INSYN2B: variants seen among roughly 807,000 people sequenced by gnomAD.
INSYN2B encodes protein INSYN2B.
Under a neutral mutation model 41.2 loss-of-function variants are expected in INSYN2B, and 16 were observed. The ratio of observed to expected loss-of-function variants is 0.39; its 90% CI spans 0.26 to 0.59. The LOEUF (loss-of-function observed/expected upper bound fraction) is 0.59. Ranked by LOEUF, INSYN2B falls within the 20% of genes least tolerant of loss-of-function variation. The pLI is 0.57. For missense variants in INSYN2B, 608 were observed against 646.4 expected, an observed-to-expected ratio of 0.94 and a Z score of 0.64; for synonymous variants, 245 against 244.4, an observed-to-expected ratio of 1.00 and a Z score of -0.02.
At chr5:169,896,090 T>C (rs1398209409) in intron 1 of INSYN2B, among the ~76,000 whole-genome samples, 1 of 152,040 alleles carries the variant, frequency 6.6e-6, no homozygotes, top group Non-Finnish European at 1.5e-5. Context: ...CTGAGCCTGA[T>C]TGGCTGCACT....
chr5:169,914,729 T>C (rs1174280063), intron 1 of INSYN2B, among the ~76,000 whole-genome samples: 2 of 152,238 alleles, frequency 1.3e-5, no homozygotes, highest in African/African-American at 2.4e-5. Flanking sequence ...AGCAGTTCTG[T>C]AGCCTTCTGG....
chr5:169,977,512 A>G (rs1234260398), intron 1 of INSYN2B, among the ~76,000 whole-genome samples: 2 of 152,196 alleles, frequency 1.3e-5, no homozygotes, highest in Admixed American at 1.3e-4. Flanking sequence ...TGAAGTAAGG[A>G]ATATTTTTAT....
At chr5:169,953,442 T>G (rs1776748082) in intron 1 of INSYN2B, among the ~76,000 whole-genome samples, 2 of 152,104 alleles carry the variant, frequency 1.3e-5, no homozygotes, top group African/African-American at 4.8e-5. Context: ...GTGGGCAAAT[T>G]GTTTCAGATC....
At chr5:169,936,121 A>G (rs1057010838) in intron 1 of INSYN2B, among the ~76,000 whole-genome samples, 4 of 152,218 alleles carry the variant, frequency 2.6e-5, no homozygotes, top group Non-Finnish European at 4.4e-5. Context: ...AATGTAACAA[A>G]ACCACCTGTC....
At chr5:169,921,795 C>T (rs1775189084) in intron 1 of INSYN2B, among the ~76,000 whole-genome samples, 2 of 152,194 alleles carry the variant, frequency 1.3e-5, no homozygotes, top group East Asian at 1.9e-4. Flanking sequence ...TTGTGACAGT[C>T]TTCTCCCAGA....
At chr5:169,939,070 ATT>A (rs199836739) in intron 1 of INSYN2B, among the ~76,000 whole-genome samples, 3 of 151,554 alleles carry the variant, frequency 2.0e-5, no homozygotes, top group Non-Finnish European at 2.9e-5. Context: ...CGCCCTGCTA[ATT>A]TTTTTGTATT....
chr5:169,959,994 T>G (rs552519805), intron 1 of INSYN2B, among the ~76,000 whole-genome samples: 1 of 152,342 alleles, frequency 6.6e-6, no homozygotes, highest in Admixed American at 6.5e-5. Flanking sequence ...AATTCGACCA[T>G]GTAAAGCTAG....
chr5:169,878,386 A>G (rs1338141221), intron 3 of INSYN2B, among the ~76,000 whole-genome samples: 9 of 152,254 alleles, frequency 5.9e-5, no homozygotes, highest in Non-Finnish European at 1.5e-5. Context: ...AAAACAGGCA[A>G]TATCACTTTT....
intron 1 of INSYN2B, among the ~76,000 whole-genome samples, chr5:169,942,593 A>T (rs948043336): frequency 6.6e-6 from 1 of 152,194 alleles, no homozygotes; most frequent in African/African-American, 2.4e-5. Context: ...AGGAGGAGGA[A>T]TTTTTCACCA....
At chr5:169,890,068 A>G (rs1299931829) in intron 1 of INSYN2B, among the ~76,000 whole-genome samples, 2 of 152,254 alleles carry the variant, frequency 1.3e-5, no homozygotes, top group Non-Finnish European at 2.9e-5. Context: ...AAAGAAGACG[A>G]ATTCAATCCA....
At chr5:169,894,817 C>T (rs932694452) in intron 1 of INSYN2B, among the ~76,000 whole-genome samples, 2 of 152,138 alleles carry the variant, frequency 1.3e-5, no homozygotes, top group Non-Finnish European at 2.9e-5. Flanking sequence ...GACAAAATCC[C>T]AGGTTTTGAG....
chr5:169,865,675 G>A (rs987556465), intron 3 of INSYN2B, among the ~76,000 whole-genome samples: 1 of 152,218 alleles, frequency 6.6e-6, no homozygotes, highest in East Asian at 1.9e-4. Context: ...CAAGGATGAG[G>A]AGCCAGCGTG....
Position 169,883,392 on chromosome 5 carries a change from T to A in INSYN2B, c.507A>T (p.Ala169=). 6.4e-7 allele frequency: 1 copy of A among 1,551,650 alleles called. No homozygotes were observed. The highest frequency in any genetic ancestry group is 1.2e-5 in the South Asian group (1 of 84,064). ...DGPRRVKVSH[A]FLPRVPKVQS... ...GCACCTTGGGGACCCTTGGGAGGAA[T>A]GCATGGGACACCTTGACCCTTCGAG... The change falls in exon 2 of 4, where the codon GCA becomes GCT. Residue 169 remains alanine (A), a synonymous_variant. Coordinates refer to ENST00000377365, the MANE Select transcript of INSYN2B (RefSeq NM_001129891.3).
intron 1 of INSYN2B, among the ~76,000 whole-genome samples, chr5:169,945,809 T>G (rs141270690): frequency 5.1e-4 from 77 of 152,344 alleles, no homozygotes; most frequent in African/African-American, 1.8e-3. Flanking sequence ...GCTTATTGTT[T>G]GGATTCGCCC....
At chr5:169,888,792 A>G (rs921752102) in intron 1 of INSYN2B, among the ~76,000 whole-genome samples, 2 of 152,138 alleles carry the variant, frequency 1.3e-5, no homozygotes, top group Admixed American at 1.3e-4. Flanking sequence ...GTCAGTGTTC[A>G]CTCTTCAGAT....
At position 169,883,231 on chromosome 5, in the gene INSYN2B, G is replaced by T; in HGVS notation, c.668C>A (p.Pro223Gln). 3 of 1,551,578 alleles carry T rather than the reference G, an allele frequency of 1.9e-6. No individual in the cohort carries two copies. Among genetic ancestry groups the T allele is most frequent in the Non-Finnish European group, 2.6e-6 (3 of 1,146,926 alleles). ...GTTACTTACTTCAGCTGACCTGTCT[G>T]GGCTGAGAGCAGACTCTCTAGCTTC... ...SWEARESALSPDRSAEVSNSI... is the reference protein window; with the variant it reads ...SWEARESALSQDRSAEVSNSI... The change falls in exon 2 of 4, where the codon CCA becomes CAA. Residue 223 changes from proline to glutamine, a missense_variant. Physicochemically the swap from Pro to Gln is moderately conservative, Grantham distance 76. Transcript: ENST00000377365.
At chr5:169,916,267 G>A (rs1162306094) in intron 1 of INSYN2B, among the ~76,000 whole-genome samples, 1 of 152,198 alleles carries the variant, frequency 6.6e-6, no homozygotes, top group Non-Finnish European at 1.5e-5. Context: ...AATTCTAGGT[G>A]TGTTTGTCCA....
intron 1 of INSYN2B, among the ~76,000 whole-genome samples, chr5:169,950,454 G>A (rs557090076): frequency 6.6e-6 from 1 of 152,248 alleles, no homozygotes; most frequent in East Asian, 1.9e-4. Flanking sequence ...ACAAACCTAG[G>A]TAAACAGAAG....
chr5:169,891,951 G>T (rs1773311427), intron 1 of INSYN2B, among the ~76,000 whole-genome samples: 1 of 147,888 alleles, frequency 6.8e-6, no homozygotes, highest in Non-Finnish European at 1.5e-5. Context: ...AGCCGAGATT[G>T]TGCCATTGCA....
Sources: allele counts gnomAD v4.1 joint callset (sites outside exome capture counted in the v4.1 genomes callset), GRCh38; gene constraint gnomAD v4.1.1; transcripts MANE v1.5; gene names NCBI Gene and HGNC (gene_info 2026-07-23, HGNC 2026-07-21).